Variants in TRAF3IP1 observed in about 807,000 individuals in gnomAD.
The protein encoded by TRAF3IP1 is intraflagellar transport 54, also known as TRAF3-interacting protein 1.
Under a neutral mutation model 89.9 loss-of-function variants are expected in TRAF3IP1, and 53 were observed. The observed-to-expected ratio is 0.59, with a 90% CI of 0.47 to 0.74. TRAF3IP1 has a LOEUF of 0.74. Among genes scored for constraint, TRAF3IP1 ranks in the 30% least tolerant of loss-of-function variants. The probability of loss-of-function intolerance (pLI) is 0.00; values close to 1 mark genes in which losing one functional copy is unlikely to be tolerated. For missense variants in TRAF3IP1, 806 were observed against 866.1 expected (o/e 0.93, Z 0.87); for synonymous variants, 311 against 322.1 (o/e 0.97, Z 0.37).
rs540813125 is a variant in TRAF3IP1, at chr2:238,399,081, G to A, written c.*162G>A. On this transcript the variant is annotated 3_prime_UTR_variant, in exon 17 of 17. Transcript: ENST00000373327. ...AGCTTTAAAACTGTAAGCATGTTAA[G>A]TGTATTAAAAAAACCATGTTTTCTT... 2.0e-5 allele frequency: 13 copies of A among 638,538 alleles called. No individual in the cohort carries two copies. The highest frequency in any genetic ancestry group is 1.1e-4 in the African/African-American group (6 of 53,694). The allele number at this position is 638,538 out of a possible 1,614,324, so 39.6% of individuals were successfully genotyped here.
rs544242788 is a variant in TRAF3IP1, at chr2:238,331,527, A to C, written c.916-1297A>C. 9.8e-5 allele frequency among the ~76,000 whole-genome samples: 15 copies of C among 152,322 alleles called. No homozygotes were observed. The East Asian group carries it at 2.7e-3, about 27-fold the overall frequency. On this transcript the variant is annotated intron_variant, in intron 5 of 16. Transcript: ENST00000373327. ...TTTTTAGAGGCTGATATTTGGGAAC[A>C]TATCAGAGCCAAGTATAATGGTGGT...
chr2:238,358,916 A>C (rs2106334978), intron 15 of TRAF3IP1, among the ~76,000 whole-genome samples: 1 of 152,228 alleles, frequency 6.6e-6, no homozygotes, highest in East Asian at 1.9e-4. Flanking sequence ...TTCCAGCAAG[A>C]ATCAGGCCAC....
Position 238,345,793 on chromosome 2 carries a change from C to T in TRAF3IP1, c.1261+1195C>T, listed in dbSNP as rs895016893. ...GCTGGCGCTGGGTGATGGCAGGAGC[C>T]TGGGTGGGGACTGGGTCACCTAGGA... On this transcript the variant is annotated intron_variant, in intron 9 of 16. Transcript: ENST00000373327. The surrounding 1 kb of genome is among the most constrained non-coding windows in gnomAD (Gnocchi z 4.7). 1.1e-4 allele frequency among the ~76,000 whole-genome samples: 17 copies of T among 152,014 alleles called. No homozygotes were observed. The highest frequency in any genetic ancestry group is 2.2e-4 in the Non-Finnish European group (15 of 67,996).
At position 238,355,929 on chromosome 2, in the gene TRAF3IP1, C is replaced by A. The variant is rs1287345906; in HGVS notation, c.1613-75C>A. The A allele has an allele frequency of 1.7e-5, 18 of 1,047,016 alleles. No individual in the cohort carries two copies. The Middle Eastern group carries it at 6.2e-4, about 36-fold the overall frequency. 64.9% of individuals were successfully genotyped at this position (1,047,016 alleles called of 1,614,324 possible). A position where few individuals can be genotyped will look rare whatever the true frequency, so the allele number is the denominator to read the frequency against. On this transcript the variant is annotated intron_variant, in intron 14 of 16. Transcript: ENST00000373327. ...GGATAAAAACTTAGTGTTTTTCCCA[C>A]CATCCCACCCATTTAGAATAGGTTT...
Position 238,397,558 on chromosome 2 carries a change from G to T in TRAF3IP1, c.1789G>T (p.Ala597Ser), listed in dbSNP as rs777730727. 1.2e-6 allele frequency: 2 copies of T among 1,613,044 alleles called. No individual in the cohort carries two copies. Among genetic ancestry groups the T allele is most frequent in the Non-Finnish European group, 1.7e-6 (2 of 1,179,944 alleles). Residue 597 changes from alanine to serine, a missense_variant, in exon 16 of 17, where the codon GCA (alanine) becomes TCA (serine). Coordinates refer to ENST00000373327, the MANE Select transcript of TRAF3IP1 (RefSeq NM_015650.4). ...RTSIQTLCKS[A>S]LPLGKIMDYI... ...GTCCATCCAGACCCTGTGCAAGAGCGCACTTCCCCTGGGGAAGATCATGGA... is the reference window on the plus strand; with the variant it reads ...GTCCATCCAGACCCTGTGCAAGAGCTCACTTCCCCTGGGGAAGATCATGGA...
intron 15 of TRAF3IP1, among the ~76,000 whole-genome samples, chr2:238,356,399 A>C (rs1483995622): frequency 1.3e-5 from 2 of 152,134 alleles, no homozygotes; most frequent in Admixed American, 1.3e-4. Flanking sequence ...TGGGGGGCTG[A>C]GGCAGGAGAA....
chr2:238,336,031 A>G (rs1698375745), intron 7 of TRAF3IP1, among the ~76,000 whole-genome samples: 2 of 152,004 alleles, frequency 1.3e-5, no homozygotes, highest in Non-Finnish European at 2.9e-5. Flanking sequence ...ACCTCAAGTG[A>G]TCTGCCCGCC....
intron 15 of TRAF3IP1, among the ~76,000 whole-genome samples, chr2:238,371,874 A>G (rs1331640002): frequency 6.6e-6 from 1 of 152,248 alleles, no homozygotes; most frequent in Admixed American, 6.5e-5. Context: ...AAAATATTAA[A>G]TTACGTATAT....
intron 15 of TRAF3IP1, among the ~76,000 whole-genome samples, chr2:238,364,919 G>A (rs1699813527): frequency 6.6e-6 from 1 of 152,300 alleles, no homozygotes; most frequent in Admixed American, 6.5e-5. Context: ...AAAGAAAGTT[G>A]TAATAAGCAA....
chr2:238,400,381 A>C lies in TRAF3IP1; in HGVS notation c.*1462A>C, dbSNP rs1362862274. Reference sequence around the variant, plus strand: ...AGTGCTGGGATTACAGGCATGAGCCACTGCACCCGGCCAGGTTTTGTTTCT... The same window carrying C: ...AGTGCTGGGATTACAGGCATGAGCCCCTGCACCCGGCCAGGTTTTGTTTCT... On this transcript the variant is annotated 3_prime_UTR_variant, in exon 17 of 17. Coordinates refer to ENST00000373327, the MANE Select transcript of TRAF3IP1 (RefSeq NM_015650.4). 6 of 152,288 alleles carry C rather than the reference A, an allele frequency of 3.9e-5. No individual in the cohort carries two copies. The highest frequency in any genetic ancestry group is 8.8e-5 in the Non-Finnish European group (6 of 68,100). The allele number at this position is 152,288 out of a possible 1,614,324, so 9.4% of individuals were successfully genotyped here.
chr2:238,328,586 A>G, intron 3 of TRAF3IP1, 100 bp from the exon 4 acceptor site: 1 of 1,334,924 alleles, frequency 7.5e-7, no homozygotes, highest in Non-Finnish European at 1.0e-6. Context: ...TAGACAGAGA[A>G]TCTGTCTCAT....
At chr2:238,369,042 A>G (rs1474278643) in intron 15 of TRAF3IP1, among the ~76,000 whole-genome samples, 2 of 152,168 alleles carry the variant, frequency 1.3e-5, no homozygotes, top group Non-Finnish European at 2.9e-5. Context: ...GTTAGTTTTT[A>G]AAACTTGGGA....
chr2:238,387,281 C>T (rs958582294), intron 15 of TRAF3IP1, among the ~76,000 whole-genome samples: 4 of 152,192 alleles, frequency 2.6e-5, no homozygotes, highest in Non-Finnish European at 5.9e-5. Context: ...GTAAGTAATT[C>T]GTCTAATGAG....
intron 15 of TRAF3IP1, among the ~76,000 whole-genome samples, chr2:238,380,096 T>C (rs1435367744): frequency 1.3e-5 from 2 of 152,230 alleles, no homozygotes; most frequent in Non-Finnish European, 2.9e-5. Flanking sequence ...GTTCATCTGC[T>C]CAGAGACGTC....
chr2:238,382,763 C>G (rs1172669995), intron 15 of TRAF3IP1, among the ~76,000 whole-genome samples: 1 of 151,756 alleles, frequency 6.6e-6, no homozygotes, highest in Admixed American at 6.6e-5. Context: ...CCCTCCCTCC[C>G]TGCCCCTCCA....
chr2:238,381,003 ATTTGT>A (rs1472891457), intron 15 of TRAF3IP1, among the ~76,000 whole-genome samples: 1 of 151,590 alleles, frequency 6.6e-6, no homozygotes, highest in African/African-American at 2.4e-5. Flanking sequence ...AGTCTGACTC[ATTTGT>A]TTTGGTTTCC....
chr2:238,338,521 A>G (rs1175054289), intron 8 of TRAF3IP1, 64 bp downstream of exon 8: 4 of 890,318 alleles, frequency 4.5e-6, no homozygotes, highest in African/African-American at 3.4e-5. Flanking sequence ...TTATATCTCA[A>G]TGTAGTTATA....
At chr2:238,344,859 G>A (rs1698820664) in intron 9 of TRAF3IP1, 1 of 610,082 alleles carries the variant, frequency 1.6e-6, no homozygotes, top group South Asian at 1.5e-5. Context: ...CTTGGGGGGT[G>A]TCATGAGTGG....
intron 10 of TRAF3IP1, 86 bp from the exon 11 acceptor site, chr2:238,348,678 G>T: frequency 8.4e-7 from 1 of 1,189,364 alleles, no homozygotes; most frequent in Non-Finnish European, 1.2e-6. Flanking sequence ...GCAAATAACT[G>T]CAAATACAGA....
Sources: gnomAD v4.1 joint callset for allele counts (sites outside exome capture counted in the v4.1 genomes callset) on GRCh38, gnomAD v4.1.1 for gene constraint, Gnocchi (gnomAD v3.1) non-coding constraint, MANE v1.5 for transcripts, NCBI Gene and HGNC (gene_info 2026-07-23, HGNC 2026-07-21) for gene names.